Variants in DOCK11 observed in about 807,000 individuals in gnomAD.
DOCK11 encodes the protein dedicator of cytokinesis protein 11.
Under a neutral mutation model 169.1 loss-of-function variants are expected in DOCK11, and 70 were observed. The observed-to-expected ratio is 0.41, with a 90% CI of 0.34 to 0.51. The LOEUF (loss-of-function observed/expected upper bound fraction) is 0.51. Among genes scored for constraint, DOCK11 ranks in the 20% least tolerant of loss-of-function variants. The probability of loss-of-function intolerance (pLI) is 0.10; values close to 1 mark genes in which losing one functional copy is unlikely to be tolerated. For missense variants in DOCK11, 1,166 were observed against 1,538.8 expected (o/e 0.76, Z 4.05); for synonymous variants, 529 against 541.3 (o/e 0.98, Z 0.32).
intron 45 of DOCK11, among the ~76,000 whole-genome samples, chrX:118,666,669 T>A (rs2016345297): frequency 8.9e-6 from 1 of 112,383 alleles, no homozygotes; most frequent in Non-Finnish European, 1.9e-5. Context: ...AAGTCTACTT[T>A]AAACATTCCT....
chrX:118,569,742 T>C (rs959897223), intron 10 of DOCK11, among the ~76,000 whole-genome samples: 9 of 111,325 alleles, frequency 8.1e-5, no homozygotes, highest in African/African-American at 2.3e-4. Flanking sequence ...GATTTTTTTT[T>C]TTTTTGTAAA....
In DOCK11 at chrX:118,596,115, A is replaced by G. The variant is rs187691612; in HGVS notation, c.2264-1316A>G. Among the ~76,000 whole-genome samples the G allele has an allele frequency of 1.5e-4, 17 of 112,700 alleles. No individual in the cohort carries two copies. The Admixed American group carries it at 1.6e-3, about 11-fold the overall frequency. On this transcript the variant is annotated intron_variant, in intron 20 of 52. Coordinates refer to ENST00000276202, the MANE Select transcript of DOCK11 (RefSeq NM_144658.4). ...CTATTTAAAAATGTTGCTTAAGAACAAGAAATAGATTTTCCTTTCATTTTC... is the reference window on the plus strand; with the variant it reads ...CTATTTAAAAATGTTGCTTAAGAACGAGAAATAGATTTTCCTTTCATTTTC...
chrX:118,670,733 A>C (rs2016449422), intron 45 of DOCK11, among the ~76,000 whole-genome samples: 2 of 112,044 alleles, frequency 1.8e-5, no homozygotes, highest in African/African-American at 6.5e-5. Context: ...TTCTTTCTCG[A>C]TGTGTTAACG....
At chrX:118,604,888 A>G (rs2014453854) in intron 23 of DOCK11, among the ~76,000 whole-genome samples, 1 of 111,603 alleles carries the variant, frequency 9.0e-6, no homozygotes, top group Non-Finnish European at 1.9e-5. Flanking sequence ...GGGGGTTAGT[A>G]GATGCATCTC....
At chrX:118,635,540 A>G (rs192259651) in intron 35 of DOCK11, among the ~76,000 whole-genome samples, 65 of 112,485 alleles carry the variant, frequency 5.8e-4, no homozygotes, top group African/African-American at 2.0e-3. Context: ...AGGCAGAGAG[A>G]AAAAGGAAAG....
chrX:118,538,102 A>G (rs1004101507), intron 1 of DOCK11, among the ~76,000 whole-genome samples: 1 of 112,415 alleles, frequency 8.9e-6, no homozygotes, highest in Non-Finnish European at 1.9e-5. Context: ...TTTTCAATAA[A>G]TGTTTTCAAT....
At chrX:118,613,414 C>T (rs1345125499) in intron 28 of DOCK11, among the ~76,000 whole-genome samples, 2 of 111,887 alleles carry the variant, frequency 1.8e-5, no homozygotes, top group African/African-American at 6.5e-5. Flanking sequence ...CAGAAATATT[C>T]TAGGCACTAT....
chrX:118,535,662 C>G, intron 1 of DOCK11, among the ~76,000 whole-genome samples: 1 of 111,679 alleles, frequency 9.0e-6, no homozygotes, highest in East Asian at 2.8e-4. Context: ...TAAACATGAC[C>G]CACTGGTCTC....
chrX:118,673,308 G>A (rs1350474685), intron 46 of DOCK11, among the ~76,000 whole-genome samples: 2 of 111,935 alleles, frequency 1.8e-5, no homozygotes, highest in African/African-American at 6.5e-5. Flanking sequence ...TGAAGTAATT[G>A]TGTTTAAGAC....
intron 31 of DOCK11, among the ~76,000 whole-genome samples, chrX:118,619,059 A>G (rs1300854616): frequency 9.3e-6 from 1 of 108,020 alleles, no homozygotes; most frequent in African/African-American, 3.4e-5. Flanking sequence ...GGGTTTCACC[A>G]TATTGTCCAG....
At chrX:118,661,070 G>A (rs766743331) in intron 44 of DOCK11, among the ~76,000 whole-genome samples, 6 of 109,259 alleles carry the variant, frequency 5.5e-5, no homozygotes, top group South Asian at 4.1e-4. Flanking sequence ...TTTGCCAGCC[G>A]TGGTGGCTTG....
chrX:118,521,763 G>A (rs371485933), intron 1 of DOCK11, among the ~76,000 whole-genome samples: 12 of 111,649 alleles, frequency 1.1e-4, no homozygotes, highest in African/African-American at 3.9e-4. Context: ...TTTTCACAAC[G>A]TAACCTATTA....
intron 1 of DOCK11, among the ~76,000 whole-genome samples, chrX:118,515,069 G>C (rs888972863): frequency 9.0e-6 from 1 of 111,609 alleles, no homozygotes; most frequent in Non-Finnish European, 1.9e-5. Context: ...TCCTTGGCTT[G>C]TGGTTGCATC....
chrX:118,677,478 G>A (rs1425374700), intron 48 of DOCK11, among the ~76,000 whole-genome samples: 2 of 111,894 alleles, frequency 1.8e-5, no homozygotes, highest in African/African-American at 6.5e-5. Context: ...TTTAAGGGTA[G>A]GAAGCTCATA....
At chrX:118,684,906 T>C (rs1274594512) in intron 52 of DOCK11, among the ~76,000 whole-genome samples, 1 of 111,943 alleles carries the variant, frequency 8.9e-6, no homozygotes, top group African/African-American at 3.2e-5. Flanking sequence ...GGCTTAATAC[T>C]GAAGTTTCAC....
At chrX:118,645,296 G>T (rs780985998) in intron 40 of DOCK11, among the ~76,000 whole-genome samples, 7 of 111,724 alleles carry the variant, frequency 6.3e-5, no homozygotes, top group Non-Finnish European at 1.3e-4. Flanking sequence ...GCTGTACTAG[G>T]TCCTGTAGAT....
chrX:118,523,560 T>G (rs1346491010), intron 1 of DOCK11, among the ~76,000 whole-genome samples: 1 of 112,134 alleles, frequency 8.9e-6, no homozygotes, highest in East Asian at 2.8e-4. Flanking sequence ...TTACAGGACC[T>G]GCACTGTGCA....
intron 1 of DOCK11, among the ~76,000 whole-genome samples, chrX:118,536,241 G>C (rs760221856): frequency 9.0e-6 from 1 of 110,511 alleles, no homozygotes; most frequent in African/African-American, 3.3e-5. Context: ...TGAGGCTGCA[G>C]TGAGCTGTGA....
intron 6 of DOCK11, among the ~76,000 whole-genome samples, chrX:118,550,687 A>C: frequency 9.0e-6 from 1 of 111,168 alleles, no homozygotes; most frequent in African/African-American, 3.3e-5. Flanking sequence ...TGTACCTTTC[A>C]GTGCTCTGTT....
Sources: allele counts gnomAD v4.1 joint callset (sites outside exome capture counted in the v4.1 genomes callset), GRCh38; gene constraint gnomAD v4.1.1; transcripts MANE v1.5; gene names NCBI Gene and HGNC (gene_info 2026-07-23, HGNC 2026-07-21).